EXT1: variants seen among roughly 807,000 people sequenced by gnomAD.
The protein encoded by EXT1 is exostosin-1.
A neutral mutation model predicts 82.5 loss-of-function variants in EXT1; 20 were observed. The observed-to-expected ratio is 0.24, with a 90% confidence interval of 0.17 to 0.35. The LOEUF (loss-of-function observed/expected upper bound fraction) is 0.35. EXT1 is among the 10% of genes least tolerant of loss of function. The pLI, the probability that EXT1 is intolerant of heterozygous loss-of-function variation, is 1.00. For synonymous variants in EXT1, 348 were observed against 350.8 expected (o/e 0.99, Z 0.09); for missense variants, 757 against 936.5 (o/e 0.81, Z 2.50).
chr8:117,992,003 C>T (rs1447105724), intron 1 of EXT1, among the ~76,000 whole-genome samples: 3 of 152,202 alleles, frequency 2.0e-5, no homozygotes, highest in African/African-American at 4.8e-5. Context: ...ACACTCTCCA[C>T]GTCCATATCA....
intron 1 of EXT1, among the ~76,000 whole-genome samples, chr8:118,014,932 T>G (rs931204822): frequency 6.6e-6 from 1 of 152,218 alleles, no homozygotes; most frequent in Non-Finnish European, 1.5e-5. Flanking sequence ...TTTCAAAGCT[T>G]TTATATGAGG....
intron 1 of EXT1, among the ~76,000 whole-genome samples, chr8:117,841,290 T>G (rs1399927802): frequency 1.3e-5 from 2 of 152,170 alleles, no homozygotes; most frequent in African/African-American, 4.8e-5. Flanking sequence ...TTATGCTGCA[T>G]TAAAAAGTCA....
chr8:117,982,004 G>T (rs17453553), intron 1 of EXT1, among the ~76,000 whole-genome samples: 9,042 of 152,216 alleles, frequency 0.059, 397 homozygotes, highest in Middle Eastern at 0.092. Context: ...TTGTCAGAAT[G>T]AGATTTCCCT....
At chr8:118,009,862 G>C (rs1272916944) in intron 1 of EXT1, among the ~76,000 whole-genome samples, 1 of 152,090 alleles carries the variant, frequency 6.6e-6, no homozygotes, top group African/African-American at 2.4e-5. Context: ...CCGGTTCCTG[G>C]TGCCAAAAAG....
chr8:118,085,391 G>A (rs1443768589), intron 1 of EXT1, among the ~76,000 whole-genome samples: 4 of 151,996 alleles, frequency 2.6e-5, no homozygotes, highest in South Asian at 2.1e-4. Flanking sequence ...AAGTGGCATC[G>A]GGCCAGCTTC....
intron 1 of EXT1, among the ~76,000 whole-genome samples, chr8:118,061,523 C>A (rs535995023): frequency 1.3e-3 from 199 of 152,294 alleles, no homozygotes; most frequent in Middle Eastern, 3.4e-3. Context: ...CATTTCATAA[C>A]CCATTGATTC....
At chr8:117,997,607 C>A (rs1042237585) in intron 1 of EXT1, among the ~76,000 whole-genome samples, 1 of 152,014 alleles carries the variant, frequency 6.6e-6, no homozygotes, top group East Asian at 1.9e-4. Context: ...CTAACTCAAA[C>A]AGAAATTGCT....
At chr8:117,898,798 A>G (rs1167842327) in intron 1 of EXT1, among the ~76,000 whole-genome samples, 3 of 151,738 alleles carry the variant, frequency 2.0e-5, no homozygotes, top group African/African-American at 7.3e-5. Context: ...TGGTTTCCAC[A>G]TTACCTACTA....
At chr8:118,078,746 G>A (rs1411398103) in intron 1 of EXT1, among the ~76,000 whole-genome samples, 1 of 152,126 alleles carries the variant, frequency 6.6e-6, no homozygotes, top group Admixed American at 6.5e-5. Flanking sequence ...AGGGAAATAT[G>A]AGTCATAGAT....
chr8:118,059,073 T>C (rs1020213757), intron 1 of EXT1, among the ~76,000 whole-genome samples: 4 of 152,226 alleles, frequency 2.6e-5, no homozygotes, highest in Non-Finnish European at 4.4e-5. Flanking sequence ...TTGCTGGTAC[T>C]ATGCTGGGAG....
chr8:118,017,616 G>T (rs1383958333), intron 1 of EXT1, among the ~76,000 whole-genome samples: 3 of 152,148 alleles, frequency 2.0e-5, no homozygotes, highest in African/African-American at 7.2e-5. Context: ...GAACAAAACA[G>T]ATATCAGGTA....
At chr8:118,020,944 C>T (rs114151856) in intron 1 of EXT1, among the ~76,000 whole-genome samples, 2,043 of 152,248 alleles carry the variant, frequency 0.013, 42 homozygotes, top group African/African-American at 0.046. Flanking sequence ...AGAGTTAAAC[C>T]AAATCTACAT....
chr8:117,799,165 G>A lies in EXT1; in HGVS notation c.*547C>T, dbSNP rs545459686. 81 of 157,848 alleles carry A rather than the reference G, an allele frequency of 5.1e-4. No individual in the cohort carries two copies. The highest frequency in any genetic ancestry group is 9.9e-4 in the Non-Finnish European group (71 of 71,508). 9.8% of individuals were successfully genotyped at this position (157,848 alleles called of 1,614,324 possible). A position where few individuals can be genotyped will look rare whatever the true frequency, so the allele number is the denominator to read the frequency against. ...TCAAGTGGATTTGAAGATTCGAAGTGGAAAACAATTTGCACTGGCAAAGTT... is the reference window on the plus strand; with the variant it reads ...TCAAGTGGATTTGAAGATTCGAAGTAGAAAACAATTTGCACTGGCAAAGTT... On this transcript the variant is annotated 3_prime_UTR_variant, in exon 11 of 11. Transcript: ENST00000378204.
chr8:117,809,305 G>A (rs1201666485), intron 8 of EXT1, among the ~76,000 whole-genome samples: 4 of 146,206 alleles, frequency 2.7e-5, no homozygotes, highest in Non-Finnish European at 6.0e-5. Flanking sequence ...CTTAAGATAA[G>A]GAAGACTTAA....
chr8:117,805,341 T>C (rs1823220962), intron 9 of EXT1, among the ~76,000 whole-genome samples: 1 of 152,220 alleles, frequency 6.6e-6, no homozygotes, highest in South Asian at 2.1e-4. Context: ...TAATCAGAAC[T>C]GTATTTAATA....
intron 1 of EXT1, among the ~76,000 whole-genome samples, chr8:118,004,678 A>C (rs566620049): frequency 6.6e-6 from 1 of 152,210 alleles, no homozygotes; most frequent in East Asian, 1.9e-4. Flanking sequence ...CAGTCTCTTG[A>C]GCTTCCCTTA....
intron 1 of EXT1, among the ~76,000 whole-genome samples, chr8:118,101,224 T>C (rs1817713904): frequency 6.6e-6 from 1 of 152,186 alleles, no homozygotes; most frequent in South Asian, 2.1e-4. Flanking sequence ...AAACTGAGGC[T>C]GAGAAGTTAA....
intron 10 of EXT1, among the ~76,000 whole-genome samples, 194 bp downstream of exon 10, chr8:117,804,528 T>C (rs973054310): frequency 6.6e-6 from 1 of 152,234 alleles, no homozygotes; most frequent in East Asian, 1.9e-4. Flanking sequence ...GGCATAAAGA[T>C]ACTCTTAACT....
At chr8:117,911,599 T>TGGA in intron 1 of EXT1, among the ~76,000 whole-genome samples, 1 of 152,072 alleles carries the variant, frequency 6.6e-6, no homozygotes, top group Non-Finnish European at 1.5e-5. Context: ...GAGACTGGCC[T>TGGA]CAGAAAGAAG....
Sources: gnomAD v4.1 joint callset for allele counts (sites outside exome capture counted in the v4.1 genomes callset) on GRCh38, gnomAD v4.1.1 for gene constraint, MANE v1.5 for transcripts, NCBI Gene and HGNC (gene_info 2026-07-23, HGNC 2026-07-21) for gene names.